Variants in PITPNC1 observed in about 807,000 individuals in gnomAD.
The protein encoded by PITPNC1 is phosphatidylinositol transfer protein cytoplasmic 1.
In PITPNC1, 18 loss-of-function variants were observed where a neutral mutation model predicts 44.7. The observed-to-expected ratio is 0.40, with a 90% CI of 0.28 to 0.60. The LOEUF (loss-of-function observed/expected upper bound fraction) is 0.60, where lower values mean the gene tolerates loss of function less well. Among genes scored for constraint, PITPNC1 ranks in the 20% least tolerant of loss-of-function variants. The pLI is 0.39. For synonymous variants in PITPNC1, 141 were observed against 149.6 expected, an observed-to-expected ratio of 0.94 and a Z score of 0.42; for missense variants, 290 against 418.4, an observed-to-expected ratio of 0.69 and a Z score of 2.68.
At chr17:67,590,822 G>A (rs1263136087) in intron 5 of PITPNC1, among the ~76,000 whole-genome samples, 1 of 151,902 alleles carries the variant, frequency 6.6e-6, no homozygotes, top group Non-Finnish European at 1.5e-5. Context: ...GCGTGGTGGT[G>A]GGCACCTGTA....
Position 67,641,560 on chromosome 17 carries a change from G to A in PITPNC1, c.462+9322G>A, listed in dbSNP as rs570816436. Among the ~76,000 whole-genome samples the A allele has an allele frequency of 7.9e-5, 12 of 152,184 alleles. No homozygotes were observed. In the East Asian group the frequency reaches 2.3e-3, roughly 29 times the overall value. ...GCCTGTAATCCCAGCACTTTGGGAG[G>A]CCAAGGCAGGCAGATCGCTTAAGGT... On this transcript the variant is annotated intron_variant, in intron 6 of 8. Coordinates refer to ENST00000581322, the MANE Select transcript of PITPNC1 (RefSeq NM_012417.4).
chr17:67,688,067 G>A (rs1278407638), intron 8 of PITPNC1, among the ~76,000 whole-genome samples: 25 of 150,026 alleles, frequency 1.7e-4, no homozygotes, highest in African/African-American at 1.7e-4. Context: ...AGCTGGGCGC[G>A]GTGGCTCATG....
chr17:67,652,830 A>T (rs1397774211), intron 6 of PITPNC1, among the ~76,000 whole-genome samples: 1 of 151,308 alleles, frequency 6.6e-6, no homozygotes, highest in East Asian at 1.9e-4. Flanking sequence ...AACCTCTCTG[A>T]CTCATGTTAT....
chr17:67,450,271 G>A (rs961351247), intron 1 of PITPNC1, among the ~76,000 whole-genome samples: 5 of 152,084 alleles, frequency 3.3e-5, no homozygotes, highest in Admixed American at 3.3e-4. Flanking sequence ...CTATCAATTA[G>A]AGACAGTTAA....
intron 5 of PITPNC1, among the ~76,000 whole-genome samples, chr17:67,606,335 T>C (rs906256825): frequency 2.6e-5 from 4 of 152,222 alleles, no homozygotes; most frequent in African/African-American, 4.8e-5. Context: ...GCAGTATGTA[T>C]GGTTTTTGTT....
chr17:67,451,976 A>T (rs554895499), intron 1 of PITPNC1, among the ~76,000 whole-genome samples: 1 of 150,508 alleles, frequency 6.6e-6, no homozygotes, highest in African/African-American at 2.4e-5. Flanking sequence ...TTTTGAGTTC[A>T]TTCGTGTTGT....
intron 1 of PITPNC1, among the ~76,000 whole-genome samples, chr17:67,408,525 G>T (rs12386048): frequency 0.052 from 7,831 of 151,860 alleles, 631 homozygotes; most frequent in African/African-American, 0.18. Flanking sequence ...GTGAGACTCC[G>T]TCTCAAAACA....
intron 6 of PITPNC1, 84 bp from the exon 7 acceptor site, chr17:67,669,424 A>G (rs2144400867): frequency 9.9e-7 from 1 of 1,012,804 alleles, no homozygotes; most frequent in Non-Finnish European, 1.4e-6. Flanking sequence ...CCCTATTTCT[A>G]TGTTATTTAA....
rs1555657747 is a variant in PITPNC1, at chr17:67,494,185, TTTTC to T, written c.49-38589_49-38586del. Among the ~76,000 whole-genome samples, 306 of 102,486 alleles carry T rather than the reference TTTTC, an allele frequency of 3.0e-3. 11 individuals carry two copies. Among genetic ancestry groups the T allele is most frequent in the African/African-American group, 7.7e-3 (203 of 26,484 alleles). 67.2% of individuals were successfully genotyped at this position (102,486 alleles called of 152,430 possible). A position where few individuals can be genotyped will look rare whatever the true frequency, so the allele number is the denominator to read the frequency against. On this transcript the variant is annotated intron_variant, in intron 1 of 8. Transcript: ENST00000581322. ...CCTCTTTCTTTCTTTCTTTCTTTCT[TTTTC>T]TTTCTTTCTTTCTTTCTTTCTTTCT...
intron 5 of PITPNC1, among the ~76,000 whole-genome samples, chr17:67,623,109 CAAAAAAAAAA>C (rs1198070826): frequency 4.7e-5 from 4 of 85,292 alleles, no homozygotes; most frequent in Non-Finnish European, 8.8e-5. Flanking sequence ...TCCCAAAAGC[CAAAAAAAAAA>C]AAAAAAAAAA....
intron 2 of PITPNC1, among the ~76,000 whole-genome samples, chr17:67,550,561 C>T (rs564163153): frequency 2.9e-4 from 44 of 152,040 alleles, no homozygotes; most frequent in African/African-American, 1.0e-3. Flanking sequence ...CCTCCTGGTT[C>T]TATCAGCTTG....
chr17:67,417,621 T>C (rs1219192701), intron 1 of PITPNC1, among the ~76,000 whole-genome samples: 1 of 152,246 alleles, frequency 6.6e-6, no homozygotes, highest in Non-Finnish European at 1.5e-5. Context: ...TGATATTCTC[T>C]GCTGTGCATC....
chr17:67,515,190 A>G (rs1598765396), intron 1 of PITPNC1, among the ~76,000 whole-genome samples: 1 of 152,200 alleles, frequency 6.6e-6, no homozygotes, highest in Non-Finnish European at 1.5e-5. Flanking sequence ...ATATGTCAGT[A>G]TGCAAATACC....
At chr17:67,438,255 G>T (rs73338137) in intron 1 of PITPNC1, among the ~76,000 whole-genome samples, 6,046 of 151,090 alleles carry the variant, frequency 0.04, 224 homozygotes, top group African/African-American at 0.1. Context: ...CTTCTAAGCT[G>T]TTCTGGGTTG....
chr17:67,436,263 C>T (rs2038935746), intron 1 of PITPNC1, among the ~76,000 whole-genome samples: 2 of 152,128 alleles, frequency 1.3e-5, no homozygotes. Context: ...AGCTGCCTCC[C>T]AGAGTGTTGG....
chr17:67,417,785 G>A, intron 1 of PITPNC1, among the ~76,000 whole-genome samples: 1 of 152,116 alleles, frequency 6.6e-6, no homozygotes, highest in East Asian at 1.9e-4. Flanking sequence ...GCTCCTGTCT[G>A]TAATCCCAGC....
At chr17:67,671,024 G>A (rs1272984745) in intron 7 of PITPNC1, among the ~76,000 whole-genome samples, 1 of 151,970 alleles carries the variant, frequency 6.6e-6, no homozygotes, top group Non-Finnish European at 1.5e-5. Context: ...TGGGACTACT[G>A]GGAGGTGCGC....
intron 1 of PITPNC1, among the ~76,000 whole-genome samples, chr17:67,522,804 A>G (rs1039713103): frequency 1.3e-5 from 2 of 151,966 alleles, no homozygotes; most frequent in African/African-American, 4.8e-5. Flanking sequence ...CTGGGACTAC[A>G]GGCGTGTGCC....
intron 1 of PITPNC1, among the ~76,000 whole-genome samples, chr17:67,484,636 A>G (rs1445732912): frequency 6.6e-6 from 1 of 152,166 alleles, no homozygotes; most frequent in East Asian, 1.9e-4. Context: ...ATCAGAGTAA[A>G]GATTTTCATG....
Sources: allele counts gnomAD v4.1 joint callset (sites outside exome capture counted in the v4.1 genomes callset), GRCh38; gene constraint gnomAD v4.1.1; transcripts MANE v1.5; gene names NCBI Gene and HGNC (gene_info 2026-07-23, HGNC 2026-07-21).